The following RAB3C variants were observed in gnomAD, a reference collection of about 807,000 sequenced individuals.
RAB3C encodes ras-related protein Rab-3C.
RAB3C carries 17 observed loss-of-function variants against 26.4 expected under a neutral mutation model. The observed-to-expected ratio is 0.64, with a 90% confidence interval of 0.44 to 0.97. The LOEUF (loss-of-function observed/expected upper bound fraction) is 0.97. Among genes scored for constraint, RAB3C ranks in the 50% least tolerant of loss-of-function variants. RAB3C has a pLI of 0.00. For synonymous variants in RAB3C, 91 were observed against 95.9 expected, an observed-to-expected ratio of 0.95 and a Z score of 0.30; for missense variants, 242 against 281.9, an observed-to-expected ratio of 0.86 and a Z score of 1.01.
chr5:58,827,645 C>T (rs765931632), intron 4 of RAB3C, among the ~76,000 whole-genome samples: 1 of 152,142 alleles, frequency 6.6e-6, no homozygotes, highest in Non-Finnish European at 1.5e-5. Flanking sequence ...TTTTATGTTC[C>T]TGTTCAAGTT....
chr5:58,779,224 C>A (rs540537551), intron 3 of RAB3C, among the ~76,000 whole-genome samples: 1 of 152,006 alleles, frequency 6.6e-6, no homozygotes. Flanking sequence ...GCTTTTCACC[C>A]CTGACTGTCT....
intron 2 of RAB3C, among the ~76,000 whole-genome samples, chr5:58,694,806 G>C (rs1266474134): frequency 6.6e-6 from 1 of 151,492 alleles, no homozygotes; most frequent in African/African-American, 2.4e-5. Flanking sequence ...GTAAATTTGA[G>C]TTCTTTGTAG....
chr5:58,719,452 T>G (rs991581973), intron 2 of RAB3C, among the ~76,000 whole-genome samples: 2 of 151,988 alleles, frequency 1.3e-5, no homozygotes, highest in African/African-American at 4.8e-5. Context: ...ACAGTGTGTG[T>G]GGGTAGCTCT....
intron 3 of RAB3C, among the ~76,000 whole-genome samples, chr5:58,788,796 T>C (rs1385204572): frequency 6.6e-6 from 1 of 152,216 alleles, no homozygotes; most frequent in Admixed American, 6.5e-5. Flanking sequence ...TTTGTTGTTA[T>C]CATAAATAAG....
intron 1 of RAB3C, among the ~76,000 whole-genome samples, chr5:58,604,746 G>A (rs1746524744): frequency 6.6e-6 from 1 of 152,160 alleles, no homozygotes; most frequent in African/African-American, 2.4e-5. Context: ...AGCTGTGAAA[G>A]AAAAAGGCTT....
chr5:58,628,156 CAA>C (rs58277302), intron 2 of RAB3C, among the ~76,000 whole-genome samples: 14,157 of 70,130 alleles, frequency 0.2, 228 homozygotes, highest in South Asian at 0.31. Flanking sequence ...GACTCCGTCT[CAA>C]AAAAAAAAAA....
At chr5:58,588,772 C>T (rs527269863) in intron 1 of RAB3C, among the ~76,000 whole-genome samples, 20 of 152,166 alleles carry the variant, frequency 1.3e-4, no homozygotes, top group African/African-American at 3.9e-4. Flanking sequence ...CCTGACTCTG[C>T]GTCCAGAGGC....
chr5:58,644,000 T>G (rs1272662313), intron 2 of RAB3C, among the ~76,000 whole-genome samples: 1 of 152,002 alleles, frequency 6.6e-6, no homozygotes, highest in African/African-American at 2.4e-5. Context: ...TTCGTACTTT[T>G]AGTAGAGTCA....
At chr5:58,588,351 A>G (rs1490919091) in intron 1 of RAB3C, among the ~76,000 whole-genome samples, 2 of 152,202 alleles carry the variant, frequency 1.3e-5, no homozygotes, top group East Asian at 1.9e-4. Context: ...GTGGCTCCAC[A>G]TCTTCAACAG....
At position 58,666,673 on chromosome 5, in the gene RAB3C, T is replaced by G. The variant is rs539124508; in HGVS notation, c.252+48803T>G. ...AGATAGGGGCTGCTGGTCACACATG[T>G]GGATGAAGTTAGGTGGAAATCAGCT... On this transcript the variant is annotated intron_variant, in intron 2 of 4. Coordinates refer to ENST00000282878, the MANE Select transcript of RAB3C (RefSeq NM_138453.4). 2.0e-5 allele frequency among the ~76,000 whole-genome samples: 3 copies of G among 152,178 alleles called. No homozygotes were observed. In the East Asian group the frequency reaches 5.8e-4, roughly 29 times the overall value.
At chr5:58,718,469 C>T (rs1354507887) in intron 2 of RAB3C, among the ~76,000 whole-genome samples, 1 of 151,980 alleles carries the variant, frequency 6.6e-6, no homozygotes, top group Admixed American at 6.6e-5. Flanking sequence ...TTCCTCTCTT[C>T]CAGGAAAGAT....
At chr5:58,658,436 G>T (rs1337024253) in intron 2 of RAB3C, among the ~76,000 whole-genome samples, 1 of 152,204 alleles carries the variant, frequency 6.6e-6, no homozygotes, top group Admixed American at 6.5e-5. Context: ...TGTGGGAAAG[G>T]ATTGTGGTTT....
chr5:58,607,151 G>A (rs940242801), intron 1 of RAB3C, among the ~76,000 whole-genome samples: 4 of 152,092 alleles, frequency 2.6e-5, no homozygotes, highest in African/African-American at 9.7e-5. Context: ...TCACAAGGAA[G>A]GTAAAAACCT....
At chr5:58,747,865 G>A (rs868688942) in intron 3 of RAB3C, among the ~76,000 whole-genome samples, 3 of 151,982 alleles carry the variant, frequency 2.0e-5, no homozygotes, top group Non-Finnish European at 2.9e-5. Context: ...GATTCTAAAC[G>A]AGATTTTATA....
chr5:58,663,957 T>C (rs1747953291), intron 2 of RAB3C, among the ~76,000 whole-genome samples: 1 of 152,154 alleles, frequency 6.6e-6, no homozygotes, highest in Admixed American at 6.6e-5. Flanking sequence ...TGATAGGCTT[T>C]CCATAGATGT....
intron 1 of RAB3C, among the ~76,000 whole-genome samples, chr5:58,605,182 C>T (rs542771580): frequency 1.3e-5 from 2 of 152,278 alleles, no homozygotes; most frequent in African/African-American, 4.8e-5. Context: ...CTGGGTCCTG[C>T]AGGAGCAGTC....
intron 1 of RAB3C, 37 bp from the exon 2 acceptor site, chr5:58,617,606 C>G (rs1477599086): frequency 6.9e-7 from 1 of 1,444,374 alleles, no homozygotes; most frequent in African/African-American, 1.4e-5. Flanking sequence ...CTGATCTACA[C>G]CTATTTTGTT....
intron 3 of RAB3C, among the ~76,000 whole-genome samples, chr5:58,767,583 T>A (rs531894168): frequency 6.6e-6 from 1 of 152,274 alleles, no homozygotes; most frequent in East Asian, 1.9e-4. Flanking sequence ...AGATAAACAT[T>A]TCCTCTTTTT....
rs549939343 is a variant in RAB3C, at chr5:58,616,851, G to T, written c.25-792G>T. Among the ~76,000 whole-genome samples, 91 of 152,214 alleles carry T rather than the reference G, an allele frequency of 6.0e-4. No individual in the cohort carries two copies. In the South Asian group the frequency reaches 8.1e-3, roughly 14 times the overall value. On this transcript the variant is annotated intron_variant, in intron 1 of 4. Transcript: ENST00000282878. ...CGACATGATCTTCTAGGGCACTTGC[G>T]CATGCCTCCCTAGTCGTCATTTGGA...
Sources: allele counts gnomAD v4.1 joint callset (sites outside exome capture counted in the v4.1 genomes callset), GRCh38; gene constraint gnomAD v4.1.1; transcripts MANE v1.5; gene names NCBI Gene and HGNC (gene_info 2026-07-23, HGNC 2026-07-21).